GCFC2: variants seen among roughly 807,000 people sequenced by gnomAD.
The protein encoded by GCFC2 is intron Large complex component GCFC2.
A neutral mutation model predicts 99.4 loss-of-function variants in GCFC2; 102 were observed. The ratio of observed to expected loss-of-function variants is 1.03; its 90% CI spans 0.87 to 1.21. The LOEUF is 1.21. GCFC2 is among the 50% of genes most tolerant of loss of function. The pLI, the probability that GCFC2 is intolerant of heterozygous loss-of-function variation, is 0.00. For missense variants in GCFC2, 973 were observed against 920.9 expected (o/e 1.06, Z -0.73); for synonymous variants, 338 against 316.8 (o/e 1.07, Z -0.71).
At chr2:75,709,678 G>A (rs1386344244) in intron 1 of GCFC2, among the ~76,000 whole-genome samples, 1 of 152,150 alleles carries the variant, frequency 6.6e-6, no homozygotes, top group Non-Finnish European at 1.5e-5. Flanking sequence ...TTGAAAATTA[G>A]TAAGAGTAGA....
intron 12 of GCFC2, among the ~76,000 whole-genome samples, chr2:75,677,086 A>G (rs190302317): frequency 5.2e-4 from 79 of 152,364 alleles, no homozygotes; most frequent in African/African-American, 1.7e-3. Flanking sequence ...AACAATCATA[A>G]TAACAATTTG....
At chr2:75,689,901 AT>A (rs1679983404) in intron 9 of GCFC2, 67 bp downstream of exon 9, 2 of 813,924 alleles carry the variant, frequency 2.5e-6, no homozygotes, top group African/African-American at 1.7e-5. Context: ...ATTAAGGGCA[AT>A]CCCAGCAAAG....
At chr2:75,700,255 A>T (rs1011576312) in intron 4 of GCFC2, among the ~76,000 whole-genome samples, 6 of 152,164 alleles carry the variant, frequency 3.9e-5, no homozygotes, top group Non-Finnish European at 7.3e-5. Context: ...TACATCTTTT[A>T]AAAAATTAAA....
intron 12 of GCFC2, among the ~76,000 whole-genome samples, chr2:75,675,781 CCATAAATTCA>C (rs1027833339): frequency 2.0e-5 from 3 of 151,442 alleles, no homozygotes; most frequent in African/African-American, 7.3e-5. Context: ...AAGAAACCTC[CCATAAATTCA>C]CATATTTTAA....
At chr2:75,671,610 T>C (rs138640536) in intron 14 of GCFC2, among the ~76,000 whole-genome samples, 2 of 152,322 alleles carry the variant, frequency 1.3e-5, no homozygotes, top group East Asian at 3.9e-4. Context: ...ATCCATCCTG[T>C]TGCCTGTTTT....
chr2:75,700,122 T>C (rs990545560), intron 4 of GCFC2, among the ~76,000 whole-genome samples: 1 of 152,062 alleles, frequency 6.6e-6, no homozygotes, highest in African/African-American at 2.4e-5. Flanking sequence ...GCTAGTCTTC[T>C]TTGTACTCAA....
At chr2:75,680,735 C>G (rs891899274) in intron 11 of GCFC2, among the ~76,000 whole-genome samples, 2 of 152,170 alleles carry the variant, frequency 1.3e-5, no homozygotes, top group Non-Finnish European at 2.9e-5. Flanking sequence ...AGTTGATGGA[C>G]TTTTTCCTTC....
rs189154243 is a variant in GCFC2 at position 75,710,129 on chromosome 2, A to G, written c.265+462T>C. 1.2e-3 allele frequency among the ~76,000 whole-genome samples: 176 copies of G among 152,118 alleles called. 2 individuals are homozygous for G. The highest frequency in any genetic ancestry group is 3.4e-3 in the Middle Eastern group (1 of 294). On this transcript the variant is annotated intron_variant, in intron 1 of 16. Transcript: ENST00000321027. Reference sequence around the variant, plus strand: ...TAACTGGTGAAAAAAGAAAATAAACAAAGGGGAATGTCCCAAAACCTAGAT... The same window carrying G: ...TAACTGGTGAAAAAAGAAAATAAACGAAGGGGAATGTCCCAAAACCTAGAT...
rs1573068167 is a variant in GCFC2 at position 75,689,323 on chromosome 2, A to G, written c.1340-98T>C. ...ATGATGGACTGTAATCAATTGAGCT[A>G]AAATTTGTCCTTTTATATTAATATA... On this transcript the variant is annotated intron_variant, in intron 9 of 16. Transcript: ENST00000321027. 1.3e-5 allele frequency: 8 copies of G among 617,056 alleles called. No individual in the cohort carries two copies. The East Asian group carries it at 2.4e-4, about 19-fold the overall frequency. The allele number at this position is 617,056 out of a possible 1,614,324, so 38.2% of individuals were successfully genotyped here. A position where few individuals can be genotyped will look rare whatever the true frequency, so the allele number is the denominator to read the frequency against.
Position 75,673,444 on chromosome 2 carries a change from C to T in GCFC2, c.1889G>A (p.Ser630Asn). ...DDVFIPLYPK[S>N]AVENKTSPHS... ...CAATCTAGAAATTAACAGCGCTTAC[C>T]TCTTTGGATACAGAGGAATAAAAAC... The change falls in exon 13 of 17, where the codon AGT becomes AAT. Residue 630 changes from serine to asparagine, a missense_variant and splice_region_variant. Physicochemically the swap from Ser to Asn is conservative, Grantham distance 46. Coordinates refer to ENST00000321027, the MANE Select transcript of GCFC2 (RefSeq NM_003203.5). 7.6e-7 allele frequency: 1 copy of T among 1,317,686 alleles called. No homozygotes were observed. Among genetic ancestry groups the T allele is most frequent in the Non-Finnish European group, 1.1e-6 (1 of 910,818 alleles). The allele number at this position is 1,317,686 out of a possible 1,614,324, so 81.6% of individuals were successfully genotyped here.
intron 3 of GCFC2, 129 bp from the exon 4 acceptor site, chr2:75,701,416 C>A (rs1001637454): frequency 1.6e-6 from 1 of 615,844 alleles, no homozygotes; most frequent in East Asian, 2.8e-5. Context: ...CATAATAATT[C>A]TGGGAAGAAG....
intron 5 of GCFC2, among the ~76,000 whole-genome samples, chr2:75,694,676 GAATT>G (rs1332952472): frequency 1.3e-5 from 2 of 152,032 alleles, no homozygotes; most frequent in Admixed American, 6.5e-5. Context: ...AGGAGAGTGA[GAATT>G]AAGAAATTAA....
intron 11 of GCFC2, among the ~76,000 whole-genome samples, chr2:75,687,211 C>T (rs1679858315): frequency 6.6e-6 from 1 of 152,212 alleles, no homozygotes; most frequent in Non-Finnish European, 1.5e-5. Flanking sequence ...TCCAGGATTA[C>T]AGGCATGAAC....
At position 75,694,297 on chromosome 2, in the gene GCFC2, AT is replaced by A; in HGVS notation, c.963del (p.Lys321AsnfsTer6). On this transcript the variant is annotated frameshift_variant, in exon 6 of 17. Coordinates refer to ENST00000321027, the MANE Select transcript of GCFC2 (RefSeq NM_003203.5). LOFTEE classifies it high-confidence loss of function. ...ACATAAATTTTCATGCTTTTATAGAATTTACAATTTAGAGCTTGATTTGATG... is the reference window on the plus strand; with the variant it reads ...ACATAAATTTTCATGCTTTTATAGAATTACAATTTAGAGCTTGATTTGATG... ...ESSSNQALNC[K>X]FYKSMKIYVE... 8.0e-7 allele frequency: 1 copy of A among 1,250,472 alleles called. No homozygotes were observed. Among genetic ancestry groups the A allele is most frequent in the Non-Finnish European group, 1.1e-6 (1 of 870,818 alleles). The allele number at this position is 1,250,472 out of a possible 1,614,324, so 77.5% of individuals were successfully genotyped here.
At chr2:75,707,103 G>A (rs1156432480) in intron 1 of GCFC2, among the ~76,000 whole-genome samples, 1 of 152,130 alleles carries the variant, frequency 6.6e-6, no homozygotes, top group Non-Finnish European at 1.5e-5. Context: ...AGGATTGAGA[G>A]GATAAAGAAC....
At chr2:75,706,259 T>C (rs1411655934) in intron 2 of GCFC2, among the ~76,000 whole-genome samples, 2 of 152,310 alleles carry the variant, frequency 1.3e-5, no homozygotes, top group East Asian at 3.9e-4. Flanking sequence ...CAAGTATCAA[T>C]GTCAATCACC....
chr2:75,682,278 C>A (rs1309685170), intron 11 of GCFC2, among the ~76,000 whole-genome samples: 1 of 151,880 alleles, frequency 6.6e-6, no homozygotes, highest in African/African-American at 2.4e-5. Flanking sequence ...GTTCTGCAGC[C>A]TCCGCTGGTG....
At chr2:75,701,852 A>C in intron 3 of GCFC2, 3 of 991,350 alleles carry the variant, frequency 3.0e-6, no homozygotes, top group Non-Finnish European at 3.6e-6. Flanking sequence ...CATGACATCT[A>C]AAATCTCTAT....
At chr2:75,712,788 C>T (rs1042199805), upstream of GCFC2, among the ~76,000 whole-genome samples, 4 of 152,220 alleles carry the variant, frequency 2.6e-5, no homozygotes, top group Admixed American at 6.5e-5. Context: ...ACCCCAGACG[C>T]GCCACCTTAA....
Sources: allele counts gnomAD v4.1 joint callset (sites outside exome capture counted in the v4.1 genomes callset), GRCh38; gene constraint gnomAD v4.1.1; transcripts MANE v1.5; gene names NCBI Gene and HGNC (gene_info 2026-07-23, HGNC 2026-07-21).